RYR2: variants seen among roughly 807,000 people sequenced by gnomAD.
The protein encoded by RYR2 is cardiac muscle ryanodine receptor-calcium release channel.
RYR2 carries 227 observed loss-of-function variants against 601.1 expected under a neutral mutation model. The observed-to-expected ratio is 0.38, with a 90% CI of 0.34 to 0.42. The LOEUF (loss-of-function observed/expected upper bound fraction) is 0.42. Ranked by LOEUF, RYR2 falls within the 10% of genes least tolerant of loss-of-function variation. RYR2 has a pLI of 1.00. For synonymous variants in RYR2, 2,223 were observed against 2,175.1 expected (o/e 1.02, Z -0.61); for missense variants, 4,646 against 6,156.5 (o/e 0.75, Z 8.21).
Position 237,474,278 on chromosome 1 carries a change from CACACACATATATATATAT to C in RYR2, c.1708+5099_1708+5116del, listed in dbSNP as rs566368554. On this transcript the variant is annotated intron_variant, in intron 17 of 104. Coordinates refer to ENST00000366574, the MANE Select transcript of RYR2 (RefSeq NM_001035.3). The stretch of plus-strand genomic sequence containing the variant: ...ATATGTATAGATACCTACACACACA[CACACACATATATATATAT>C]ACACACACACACATACATACATATG... Among the ~76,000 whole-genome samples the C allele has an allele frequency of 6.8e-3, 340 of 49,928 alleles. 1 individual carries two copies. Among genetic ancestry groups the C allele is most frequent in the Middle Eastern group, 0.043 (4 of 94 alleles). 32.8% of individuals were successfully genotyped at this position (49,928 alleles called of 152,430 possible). A position where few individuals can be genotyped will look rare whatever the true frequency, so the allele number is the denominator to read the frequency against.
At chr1:237,733,870 C>A in intron 79 of RYR2, 114 bp downstream of exon 79, 1 of 741,984 alleles carries the variant, frequency 1.3e-6, no homozygotes, top group Non-Finnish European at 2.3e-6. Context: ...TTGTTTGTAG[C>A]ATGAATCTCC....
intron 80 of RYR2, among the ~76,000 whole-genome samples, chr1:237,749,131 A>G (rs926231322): frequency 7.2e-5 from 11 of 152,252 alleles, no homozygotes; most frequent in Admixed American, 4.6e-4. Flanking sequence ...TCATGTGCAC[A>G]GTAATGTAAC....
At chr1:237,783,096 A>G (rs772904968) in intron 89 of RYR2, among the ~76,000 whole-genome samples, 47 of 152,212 alleles carry the variant, frequency 3.1e-4, no homozygotes, top group Non-Finnish European at 4.6e-4. Flanking sequence ...AGAAATGTAG[A>G]AAGGTGCTTT....
chr1:237,759,752 A>G lies in RYR2; in HGVS notation c.11326-24A>G, dbSNP rs769476111. Reference sequence around the variant, plus strand: ...ACAATAAGATTTTTGTTCAGTGGCCACGTGGTTTCTATAATTCCCATAGAA... The same window carrying G: ...ACAATAAGATTTTTGTTCAGTGGCCGCGTGGTTTCTATAATTCCCATAGAA... On this transcript the variant is annotated intron_variant, in intron 82 of 104. Transcript: ENST00000366574. The G allele has an allele frequency of 1.1e-5, 16 of 1,454,140 alleles. No homozygotes were observed. In the East Asian group the frequency reaches 3.2e-4, roughly 29 times the overall value. The allele number at this position is 1,454,140 out of a possible 1,614,324, so 90.1% of individuals were successfully genotyped here. A position where few individuals can be genotyped will look rare whatever the true frequency, so the allele number is the denominator to read the frequency against.
chr1:237,427,326 G>C (rs923978087), intron 12 of RYR2, among the ~76,000 whole-genome samples: 2 of 152,048 alleles, frequency 1.3e-5, no homozygotes, highest in Non-Finnish European at 2.9e-5. Context: ...CTAAAATATG[G>C]CCCACTCTAT....
intron 97 of RYR2, among the ~76,000 whole-genome samples, chr1:237,801,557 A>AAAAAG (rs34809152): frequency 1.3e-5 from 2 of 150,972 alleles, no homozygotes; most frequent in African/African-American, 4.9e-5. Context: ...AAAAAAAAAA[A>AAAAAG]TGTTAATACT....
rs182999974 is a variant in RYR2 at position 237,777,862 on chromosome 1, G to A, written c.11776-804G>A. 3.0e-4 allele frequency among the ~76,000 whole-genome samples: 45 copies of A among 152,316 alleles called. 1 individual carries two copies. In the South Asian group the frequency reaches 5.0e-3, roughly 17 times the overall value. ...AAAGGTGGGGGCACTTTTATAAGGC[G>A]TTCCTGGAAGCAAGACAAGAAATTT... On this transcript the variant is annotated intron_variant, in intron 87 of 104. Coordinates refer to ENST00000366574, the MANE Select transcript of RYR2 (RefSeq NM_001035.3).
intron 58 of RYR2, among the ~76,000 whole-genome samples, chr1:237,670,592 T>C (rs2148893766): frequency 6.6e-6 from 1 of 152,182 alleles, no homozygotes; most frequent in East Asian, 1.9e-4. Flanking sequence ...GCTTATTACA[T>C]GAGCAGATTA....
chr1:237,420,499 T>C (rs1028177169), intron 11 of RYR2, among the ~76,000 whole-genome samples: 1 of 151,142 alleles, frequency 6.6e-6, no homozygotes, highest in African/African-American at 2.5e-5. Flanking sequence ...TAGTTTTTAC[T>C]ACATATGATT....
chr1:237,709,175 C>T (rs1688620732), intron 69 of RYR2, 77 bp downstream of exon 69: 3 of 1,281,072 alleles, frequency 2.3e-6, no homozygotes, highest in African/African-American at 3.0e-5. Context: ...TGTTCAATCG[C>T]TTCATTCACT....
chr1:237,326,347 A>G (rs1346700357), intron 2 of RYR2, among the ~76,000 whole-genome samples: 1 of 152,064 alleles, frequency 6.6e-6, no homozygotes, highest in Non-Finnish European at 1.5e-5. Flanking sequence ...CCCAAAGTAT[A>G]TATATTCTGA....
chr1:237,220,600 C>T (rs1291372339), intron 1 of RYR2, among the ~76,000 whole-genome samples: 1 of 152,222 alleles, frequency 6.6e-6, no homozygotes, highest in African/African-American at 2.4e-5. Flanking sequence ...TCTCGGGAGA[C>T]ACCTGACTGA....
At chr1:237,402,850 T>TCGA (rs1703488752) in intron 10 of RYR2, among the ~76,000 whole-genome samples, 3 of 152,220 alleles carry the variant, frequency 2.0e-5, no homozygotes, top group Admixed American at 6.5e-5. Context: ...GGTGAAATCA[T>TCGA]GGCTCACTGC....
intron 1 of RYR2, among the ~76,000 whole-genome samples, chr1:237,107,098 C>A (rs929217501): frequency 8.6e-5 from 13 of 151,968 alleles, no homozygotes; most frequent in Non-Finnish European, 1.3e-4. Context: ...GAAGGATGAA[C>A]CAATAAAAGT....
chr1:237,718,424 T>A (rs1689438569), intron 72 of RYR2, 38 bp from the exon 73 acceptor site: 2 of 1,106,688 alleles, frequency 1.8e-6, no homozygotes, highest in Non-Finnish European at 2.8e-6. Flanking sequence ...GTTGATGCAA[T>A]AGAAGACTCC....
At chr1:237,767,421 C>T (rs917549215) in intron 84 of RYR2, among the ~76,000 whole-genome samples, 5 of 152,128 alleles carry the variant, frequency 3.3e-5, no homozygotes, top group African/African-American at 1.2e-4. Flanking sequence ...TTATGTTCAC[C>T]TCACAAGGTG....
intron 1 of RYR2, among the ~76,000 whole-genome samples, chr1:237,158,539 C>A (rs551385069): frequency 6.6e-6 from 1 of 152,098 alleles, no homozygotes. Context: ...ACAATTTTCC[C>A]TTATTTTCCT....
rs1300930938 is a variant in RYR2, at chr1:237,709,470, T to C, written c.10143-10T>C. On this transcript the variant is annotated splice_polypyrimidine_tract_variant and intron_variant, in intron 69 of 104. Transcript: ENST00000366574. Reference sequence around the variant, plus strand: ...AGCTGAGAAACCACTTTATTTATTATGTGATCCAGGGCAAAGTGGCTAAAG... The same window carrying C: ...AGCTGAGAAACCACTTTATTTATTACGTGATCCAGGGCAAAGTGGCTAAAG... 1.3e-6 allele frequency: 2 copies of C among 1,579,588 alleles called. No individual in the cohort carries two copies. The highest frequency in any genetic ancestry group is 2.7e-5 in the African/African-American group (2 of 74,162).
At chr1:237,251,371 C>T (rs774980507) in intron 1 of RYR2, among the ~76,000 whole-genome samples, 5 of 152,150 alleles carry the variant, frequency 3.3e-5, no homozygotes, top group Non-Finnish European at 5.9e-5. Flanking sequence ...ACCAGACCAC[C>T]AGTGAACACC....
Sources: gnomAD v4.1 joint callset for allele counts (sites outside exome capture counted in the v4.1 genomes callset) on GRCh38, gnomAD v4.1.1 for gene constraint, MANE v1.5 for transcripts, NCBI Gene and HGNC (gene_info 2026-07-23, HGNC 2026-07-21) for gene names.